The following CLIP4 variants were observed in gnomAD, a reference collection of about 807,000 sequenced individuals.
CLIP4 encodes CAP-Gly domain-containing linker protein 4.
A neutral mutation model predicts 73.1 loss-of-function variants in CLIP4; 47 were observed. That is an observed-to-expected ratio of 0.64 (90% CI 0.51 to 0.82). The LOEUF (loss-of-function observed/expected upper bound fraction) is 0.82. Among genes scored for constraint, CLIP4 ranks in the 40% least tolerant of loss-of-function variants. CLIP4 has a pLI of 0.00. For synonymous variants in CLIP4, 306 were observed against 295.4 expected, an observed-to-expected ratio of 1.04 and a Z score of -0.37; for missense variants, 874 against 852.9, an observed-to-expected ratio of 1.02 and a Z score of -0.31.
chr2:29,181,452 G>A (rs1281601746), intron 15 of CLIP4, 120 bp from the exon 16 acceptor site: 1 of 810,810 alleles, frequency 1.2e-6, no homozygotes, highest in South Asian at 2.0e-5. Context: ...TGACCATAAA[G>A]TATTCTCTTT....
At chr2:29,106,533 T>C (rs1175720751) in intron 1 of CLIP4, among the ~76,000 whole-genome samples, 1 of 152,202 alleles carries the variant, frequency 6.6e-6, no homozygotes, top group East Asian at 1.9e-4. Flanking sequence ...ATTCTTTATC[T>C]CACTTTATAG....
chr2:29,170,619 T>C (rs1464516188), intron 14 of CLIP4, among the ~76,000 whole-genome samples: 8 of 152,344 alleles, frequency 5.3e-5, no homozygotes, highest in Non-Finnish European at 1.0e-4. Context: ...GTCCGAGTTA[T>C]CAGTTTTTTA....
intron 8 of CLIP4, among the ~76,000 whole-genome samples, chr2:29,146,674 G>C (rs1666194264): frequency 6.6e-6 from 1 of 151,972 alleles, no homozygotes; most frequent in Non-Finnish European, 1.5e-5. Flanking sequence ...GGTGTGGTAT[G>C]ATGATGATGA....
Position 29,181,892 on chromosome 2 carries a change from A to C in CLIP4, c.2117A>C (p.Ter706SerextTer15), listed in dbSNP as rs772666804. ...NGSKLVDENC[*>S] ...TCAAAACTTGTGGATGAGAATTGTT[A>C]AGCTTCTAAAATATTAAATAAGCTC... is the stretch of plus-strand genomic sequence containing the variant. Residue 706 changes from the stop codon to serine (S), a stop_lost, in exon 16 of 16, where the codon TAA becomes TCA. Transcript: ENST00000320081. 12 of 1,591,900 alleles carry C rather than the reference A, an allele frequency of 7.5e-6. No homozygotes were observed. The highest frequency in any genetic ancestry group is 1.0e-5 in the Non-Finnish European group (12 of 1,166,930).
intron 6 of CLIP4, 69 bp downstream of exon 6, chr2:29,135,735 G>T: frequency 1.9e-6 from 2 of 1,078,796 alleles, no homozygotes. Flanking sequence ...GTAAAATGTT[G>T]AATCTGAATG....
At chr2:29,178,102 AT>A (rs773966110) in intron 15 of CLIP4, among the ~76,000 whole-genome samples, 1 of 152,086 alleles carries the variant, frequency 6.6e-6, no homozygotes, top group Non-Finnish European at 1.5e-5. Context: ...GTCATCTGTA[AT>A]TTTGTTACCT....
intron 8 of CLIP4, among the ~76,000 whole-genome samples, chr2:29,151,943 C>G (rs542886091): frequency 6.6e-4 from 101 of 152,136 alleles, no homozygotes; most frequent in African/African-American, 2.2e-3. Flanking sequence ...TAGGCAACCC[C>G]CCTGCCCCTG....
chr2:29,156,677 A>G (rs1666946670), intron 10 of CLIP4, among the ~76,000 whole-genome samples: 1 of 152,156 alleles, frequency 6.6e-6, no homozygotes, highest in Admixed American at 6.5e-5. Context: ...TAACTACTGG[A>G]CTAGATTTAA....
At chr2:29,152,146 T>C (rs1413503270) in intron 8 of CLIP4, among the ~76,000 whole-genome samples, 1 of 152,188 alleles carries the variant, frequency 6.6e-6, no homozygotes, top group Admixed American at 6.5e-5. Flanking sequence ...AAGGTGTTAG[T>C]CTGGAAGAGA....
At chr2:29,103,657 G>A (rs1361514291) in intron 1 of CLIP4, among the ~76,000 whole-genome samples, 1 of 151,208 alleles carries the variant, frequency 6.6e-6, no homozygotes, top group African/African-American at 2.4e-5. Context: ...TCTGTAGGGT[G>A]ACCAACTTGT....
chr2:29,146,866 G>A (rs1666206121), intron 8 of CLIP4, among the ~76,000 whole-genome samples: 1 of 152,214 alleles, frequency 6.6e-6, no homozygotes, highest in Non-Finnish European at 1.5e-5. Flanking sequence ...ACCTAGAACA[G>A]TGCATGATTC....
Position 29,107,358 on chromosome 2 carries a change from GTTT to G in CLIP4, c.-16+9440_-16+9442del, listed in dbSNP as rs796180363. On this transcript the variant is annotated intron_variant, in intron 1 of 14. Transcript: ENST00000401605. ...ATTTCTAAATTCCTGGAACATGATAGTTTTTTTTTTTTTTTTTTTTTTTTTTTT... is the reference window on the plus strand; with the variant it reads ...ATTTCTAAATTCCTGGAACATGATAGTTTTTTTTTTTTTTTTTTTTTTTTT... 4.8e-3 allele frequency among the ~76,000 whole-genome samples: 311 copies of G among 65,334 alleles called. 3 individuals are homozygous for G. Among genetic ancestry groups the G allele is most frequent in the African/African-American group, 0.014 (278 of 19,200 alleles). 42.9% of individuals were successfully genotyped at this position (65,334 alleles called of 152,430 possible). A position where few individuals can be genotyped will look rare whatever the true frequency, so the allele number is the denominator to read the frequency against.
At chr2:29,112,892 C>T (rs4666166), upstream of CLIP4, among the ~76,000 whole-genome samples, 58,055 of 152,112 alleles carry the variant, frequency 0.38, 12,072 homozygotes, top group East Asian at 0.63. Flanking sequence ...ACCTTGTCTT[C>T]TTTTGCTATT....
At chr2:29,157,440 C>T (rs1368819067) in intron 11 of CLIP4, 93 bp downstream of exon 11, 1 of 1,595,732 alleles carries the variant, frequency 6.3e-7, no homozygotes, top group Non-Finnish European at 8.6e-7. Flanking sequence ...GTAGAAGGAA[C>T]CCTTTACTTC....
At chr2:29,099,136 C>T (rs1667964366) in intron 1 of CLIP4, among the ~76,000 whole-genome samples, 1 of 152,118 alleles carries the variant, frequency 6.6e-6, no homozygotes, top group Non-Finnish European at 1.5e-5. Flanking sequence ...AGATTTTCTC[C>T]TAGTCTGTGG....
At chr2:29,164,106 T>A in intron 13 of CLIP4, 152 bp downstream of exon 13, 1 of 713,772 alleles carries the variant, frequency 1.4e-6, no homozygotes, top group Non-Finnish European at 2.2e-6. Flanking sequence ...GAGAGAAGGC[T>A]CATGGAAAGC....
intron 4 of CLIP4, chr2:29,132,622 T>A (rs1665056952): frequency 5.6e-6 from 1 of 177,286 alleles, no homozygotes; most frequent in Admixed American, 6.1e-5. Flanking sequence ...TGTTCCTACA[T>A]ATGTAACATA....
chr2:29,100,479 C>A (rs561489029), intron 1 of CLIP4, among the ~76,000 whole-genome samples: 1 of 151,940 alleles, frequency 6.6e-6, no homozygotes, highest in African/African-American at 2.4e-5. Flanking sequence ...ACATTTGTTG[C>A]AAATTTAAAA....
chr2:29,152,547 T>G, intron 8 of CLIP4, 138 bp from the exon 9 acceptor site: 2 of 793,268 alleles, frequency 2.5e-6, no homozygotes, highest in Non-Finnish European at 3.9e-6. Context: ...TGTCTTACAT[T>G]TTTTTTCCTC....
Sources: allele counts gnomAD v4.1 joint callset (sites outside exome capture counted in the v4.1 genomes callset), GRCh38; gene constraint gnomAD v4.1.1; transcripts MANE v1.5; gene names NCBI Gene and HGNC (gene_info 2026-07-23, HGNC 2026-07-21).